THADA: variants seen among roughly 807,000 people sequenced by gnomAD.
THADA encodes the protein tRNA (32-2'-O)-methyltransferase regulator THADA.
Under a neutral mutation model 219.8 loss-of-function variants are expected in THADA, and 213 were observed. The observed-to-expected ratio is 0.97, with a 90% CI of 0.87 to 1.09. The LOEUF is 1.09. Ranked by LOEUF, THADA falls within the 50% of genes least tolerant of loss-of-function variation. THADA has a pLI of 0.00. For synonymous variants in THADA, 1,018 were observed against 828.9 expected, an observed-to-expected ratio of 1.23 and a Z score of -3.92; for missense variants, 2,956 against 2,311.3, an observed-to-expected ratio of 1.28 and a Z score of -5.72.
chr2:43,487,449 A>G (rs181055636), intron 25 of THADA, among the ~76,000 whole-genome samples: 4 of 152,312 alleles, frequency 2.6e-5, no homozygotes, highest in African/African-American at 9.6e-5. Context: ...AAGTGAATGG[A>G]TACCCTCTGA....
At chr2:43,383,331 T>G (rs940433958) in intron 29 of THADA, among the ~76,000 whole-genome samples, 3 of 152,178 alleles carry the variant, frequency 2.0e-5, no homozygotes, top group Non-Finnish European at 4.4e-5. Flanking sequence ...CTGCCGTCCA[T>G]GAGTTCACCA....
At chr2:43,351,380 C>T (rs187745652) in intron 29 of THADA, among the ~76,000 whole-genome samples, 1 of 152,208 alleles carries the variant, frequency 6.6e-6, no homozygotes, top group Admixed American at 6.5e-5. Flanking sequence ...CTGGCCAGGA[C>T]GTTCCATCAT....
intron 36 of THADA, among the ~76,000 whole-genome samples, chr2:43,268,278 C>T (rs568839548): frequency 6.6e-5 from 10 of 152,300 alleles, no homozygotes; most frequent in African/African-American, 2.4e-4. Context: ...TCCCATTCTC[C>T]TCCTAACGCT....
rs1024482963 is a variant in THADA at position 43,285,562 on chromosome 2, A to G, written c.5164+1346T>C. On this transcript the variant is annotated intron_variant, in intron 35 of 37. Coordinates refer to ENST00000405975, the MANE Select transcript of THADA (RefSeq NM_022065.5). ...TTTTCTTCATAAATTACCCAGTCTC[A>G]GGTAGTTTTTTTTTTTTTTTGAGAT... Among the ~76,000 whole-genome samples, 5 of 149,558 alleles carry G rather than the reference A, an allele frequency of 3.3e-5. No individual in the cohort carries two copies. In the East Asian group the frequency reaches 9.7e-4, roughly 29 times the overall value.
In THADA at chr2:43,514,669, A is replaced by ATG. The variant is rs1358982596; in HGVS notation, c.3375-5890_3375-5889insCA. Among the ~76,000 whole-genome samples, 169 of 89,720 alleles carry ATG rather than the reference A, an allele frequency of 1.9e-3. 21 individuals are homozygous for ATG. Among genetic ancestry groups the ATG allele is most frequent in the South Asian group, 5.7e-3 (19 of 3,330 alleles). The allele number at this position is 89,720 out of a possible 152,430, so 58.9% of individuals were successfully genotyped here. On this transcript the variant is annotated intron_variant, in intron 22 of 37. Coordinates refer to ENST00000405975, the MANE Select transcript of THADA (RefSeq NM_022065.5). ...TAATATATATATTGTATATAATAAT[A>ATG]TATAATATATTATATTATATATAAT...
chr2:43,506,990 T>C (rs1272283445), intron 23 of THADA, among the ~76,000 whole-genome samples: 8 of 152,194 alleles, frequency 5.3e-5, no homozygotes, highest in African/African-American at 1.9e-4. Flanking sequence ...AAAAACTTTA[T>C]GTCTATATTG....
At chr2:43,584,843 C>G (rs1437599790) in intron 7 of THADA, among the ~76,000 whole-genome samples, 2 of 152,132 alleles carry the variant, frequency 1.3e-5, no homozygotes, top group African/African-American at 2.4e-5. Context: ...TCCGAGCCAG[C>G]AGACAACTTG....
rs556640336 is a variant in THADA, at chr2:43,252,130, T to C, written c.5297-19248A>G. Among the ~76,000 whole-genome samples, 3 of 152,340 alleles carry C rather than the reference T, an allele frequency of 2.0e-5. No individual in the cohort carries two copies. In the South Asian group the frequency reaches 6.2e-4, roughly 32 times the overall value. Reference sequence around the variant, plus strand: ...TGGCTACAGACCTGGCCTTCTTCAATGACTGCGCCATGGCCACCCCATCTG... The same window carrying C: ...TGGCTACAGACCTGGCCTTCTTCAACGACTGCGCCATGGCCACCCCATCTG... On this transcript the variant is annotated intron_variant, in intron 36 of 37. Coordinates refer to ENST00000405975, the MANE Select transcript of THADA (RefSeq NM_022065.5).
chr2:43,310,937 G>A (rs1338800520), intron 31 of THADA, among the ~76,000 whole-genome samples: 1 of 152,216 alleles, frequency 6.6e-6, no homozygotes, highest in Non-Finnish European at 1.5e-5. Context: ...AGCACTTTGG[G>A]AGGCTGAGGC....
intron 21 of THADA, among the ~76,000 whole-genome samples, chr2:43,533,280 C>T (rs146968404): frequency 0.018 from 2,809 of 152,270 alleles, 51 homozygotes; most frequent in South Asian, 0.025. Flanking sequence ...AACACTTTTA[C>T]ACTGTTGGTG....
Position 43,577,304 on chromosome 2 carries a change from A to G in THADA, c.817-62T>C, listed in dbSNP as rs1282327435. 3.0e-6 allele frequency: 4 copies of G among 1,329,154 alleles called. No individual in the cohort carries two copies. In the East Asian group the frequency reaches 1.0e-4, roughly 34 times the overall value. The allele number at this position is 1,329,154 out of a possible 1,614,324, so 82.3% of individuals were successfully genotyped here. ...TTTAAAACTTTTCAGAGATATTTCA[A>G]AATACAAACCCAAACATCTCTTTCC... On this transcript the variant is annotated intron_variant, in intron 9 of 37. Coordinates refer to ENST00000405975, the MANE Select transcript of THADA (RefSeq NM_022065.5).
intron 26 of THADA, among the ~76,000 whole-genome samples, chr2:43,480,485 T>G (rs921393946): frequency 6.6e-6 from 1 of 152,150 alleles, no homozygotes; most frequent in African/African-American, 2.4e-5. Context: ...TAATAAATGC[T>G]TGTTCAGTGG....
rs548885031 is a variant in THADA at position 43,237,457 on chromosome 2, GC to G, written c.5297-4576del. On this transcript the variant is annotated intron_variant, in intron 36 of 37. Coordinates refer to ENST00000405975, the MANE Select transcript of THADA (RefSeq NM_022065.5). The stretch of plus-strand genomic sequence containing the variant: ...CTGTCACCCAGGCTGGAGTGCAGTG[GC>G]GCAATCTCAGCTCACTGCAACCTCT... 9.3e-5 allele frequency among the ~76,000 whole-genome samples: 14 copies of G among 149,936 alleles called. No individual in the cohort carries two copies. In the South Asian group the frequency reaches 3.0e-3, roughly 32 times the overall value.
At chr2:43,461,023 A>G (rs1243243138) in intron 26 of THADA, among the ~76,000 whole-genome samples, 1 of 152,334 alleles carries the variant, frequency 6.6e-6, no homozygotes, top group Non-Finnish European at 1.5e-5. Context: ...GCAGAGGTGT[A>G]TAAGGTTTGC....
intron 7 of THADA, among the ~76,000 whole-genome samples, chr2:43,584,882 T>A (rs1196356531): frequency 3.9e-5 from 6 of 152,012 alleles, no homozygotes. Flanking sequence ...AAAACAGGTG[T>A]TTGGAAAGGA....
intron 22 of THADA, among the ~76,000 whole-genome samples, chr2:43,520,833 T>C (rs973028283): frequency 2.7e-5 from 4 of 149,366 alleles, no homozygotes; most frequent in African/African-American, 4.9e-5. Context: ...GTCTTTTATA[T>C]CCAAAATCCT....
chr2:43,305,934 ATCCCTCCCTCCCTTCTTCCC>A (rs1441588584), intron 31 of THADA, among the ~76,000 whole-genome samples: 2 of 142,792 alleles, frequency 1.4e-5, no homozygotes, highest in South Asian at 2.3e-4. Context: ...TTTCCTGTCC[ATCCCTCCCTCCCTTCTTCCC>A]TCCCTCCCTC....
At chr2:43,284,324 C>G (rs1234710799) in intron 35 of THADA, among the ~76,000 whole-genome samples, 1 of 152,170 alleles carries the variant, frequency 6.6e-6, no homozygotes, top group Non-Finnish European at 1.5e-5. Context: ...AGGCCCAGGG[C>G]CCAGCTGCTC....
chr2:43,592,067 A>T, intron 2 of THADA, 21 bp from the exon 3 acceptor site: 1 of 1,510,308 alleles, frequency 6.6e-7, no homozygotes, highest in Non-Finnish European at 8.9e-7. Context: ...TATACAAAAA[A>T]AAATTTTCAA....
Sources: allele counts gnomAD v4.1 joint callset (sites outside exome capture counted in the v4.1 genomes callset), GRCh38; gene constraint gnomAD v4.1.1; transcripts MANE v1.5; gene names NCBI Gene and HGNC (gene_info 2026-07-23, HGNC 2026-07-21).